CARM1: variants seen among roughly 807,000 people sequenced by gnomAD.
CARM1 encodes histone-arginine methyltransferase CARM1.
In CARM1, 14 loss-of-function variants were observed where a neutral mutation model predicts 72.7. The ratio of observed to expected loss-of-function variants is 0.19; its 90% CI spans 0.13 to 0.30. The LOEUF (loss-of-function observed/expected upper bound fraction) is 0.30. CARM1 is among the 10% of genes least tolerant of loss of function. CARM1 has a pLI of 1.00. For missense variants in CARM1, 432 were observed against 833.7 expected (o/e 0.52, Z 5.93); for synonymous variants, 333 against 345.5 (o/e 0.96, Z 0.40).
rs865852802 is a variant in CARM1, at chr19:10,871,604, G to A, written c.-99G>A. On this transcript the variant is annotated 5_prime_UTR_variant, in exon 1 of 16. Coordinates refer to ENST00000327064, the MANE Select transcript of CARM1 (RefSeq NM_199141.2). The surrounding 1 kb of genome is among the most constrained non-coding windows in gnomAD (Gnocchi z 5.6). ...CGGTAGCGGCAGCGGCGGCGGCGGC[G>A]GCGGCGGCGGCGGCGGCGGCGGCGG... The A allele has an allele frequency of 3.6e-5, 4 of 110,586 alleles. No homozygotes were observed. The highest frequency in any genetic ancestry group is 6.6e-5 in the African/African-American group (2 of 30,406). 6.9% of individuals were successfully genotyped at this position (110,586 alleles called of 1,614,324 possible).
rs865852802 is a variant in CARM1, at chr19:10,871,604, G to T, written c.-99G>T. The T allele has an allele frequency of 3.6e-5, 4 of 110,586 alleles. No homozygotes were observed. The highest frequency in any genetic ancestry group is 2.8e-4 in the South Asian group (1 of 3,590). 6.9% of individuals were successfully genotyped at this position (110,586 alleles called of 1,614,324 possible). A position where few individuals can be genotyped will look rare whatever the true frequency, so the allele number is the denominator to read the frequency against. ...CGGTAGCGGCAGCGGCGGCGGCGGCGGCGGCGGCGGCGGCGGCGGCGGCGG... is the reference window on the plus strand; with the variant it reads ...CGGTAGCGGCAGCGGCGGCGGCGGCTGCGGCGGCGGCGGCGGCGGCGGCGG... On this transcript the variant is annotated 5_prime_UTR_variant, in exon 1 of 16. Coordinates refer to ENST00000327064, the MANE Select transcript of CARM1 (RefSeq NM_199141.2). The surrounding 1 kb of genome is among the most constrained non-coding windows in gnomAD (Gnocchi z 5.6).
rs757394427 is a variant in CARM1 at position 10,920,798 on chromosome 19, C to G, written c.1425-36C>G. 1.2e-6 allele frequency: 2 copies of G among 1,613,748 alleles called. No individual in the cohort carries two copies. The highest frequency in any genetic ancestry group is 2.2e-5 in the East Asian group (1 of 44,882). On this transcript the variant is annotated intron_variant, in intron 12 of 15. Coordinates refer to ENST00000327064, the MANE Select transcript of CARM1 (RefSeq NM_199141.2). This position sits in a 1 kb window ranked among gnomAD's most constrained non-coding sequence, Gnocchi z 5.3. Reference sequence around the variant, plus strand: ...AGGGGGGCGCCCCGGCCCTGCAACCCCCTTGCCCCTGCCCATGGCTCTGTC... The same window carrying G: ...AGGGGGGCGCCCCGGCCCTGCAACCGCCTTGCCCCTGCCCATGGCTCTGTC...
intron 4 of CARM1, among the ~76,000 whole-genome samples, chr19:10,910,256 C>A (rs1333247753): frequency 6.6e-6 from 1 of 152,174 alleles, no homozygotes; most frequent in Non-Finnish European, 1.5e-5. Flanking sequence ...GCAGGTGGAT[C>A]ACTTGAGGTT....
chr19:10,900,859 A>T (rs771670309), intron 1 of CARM1, among the ~76,000 whole-genome samples: 1 of 149,096 alleles, frequency 6.7e-6, no homozygotes, highest in Non-Finnish European at 1.5e-5. Context: ...AATTTTTTGT[A>T]TTTTTAGTAG....
intron 4 of CARM1, among the ~76,000 whole-genome samples, chr19:10,909,904 A>AT (rs1344286426): frequency 6.6e-6 from 1 of 152,160 alleles, no homozygotes; most frequent in Non-Finnish European, 1.5e-5. Flanking sequence ...ATTTTTCCCC[A>AT]TACAGACATC....
At chr19:10,918,210 G>T (rs1253532461) in intron 8 of CARM1, among the ~76,000 whole-genome samples, 1 of 152,022 alleles carries the variant, frequency 6.6e-6, no homozygotes, top group East Asian at 1.9e-4. Flanking sequence ...ATATGCTGCT[G>T]AACCACCCGT....
At chr19:10,909,020 C>T (rs2074125457) in intron 3 of CARM1, 83 bp from the exon 4 acceptor site, 2 of 1,049,722 alleles carry the variant, frequency 1.9e-6, no homozygotes, top group East Asian at 2.4e-5. Context: ...TAGATGGCCC[C>T]TTGCTCTATC....
At chr19:10,895,566 ATC>A (rs2074018409) in intron 1 of CARM1, among the ~76,000 whole-genome samples, 1 of 152,218 alleles carries the variant, frequency 6.6e-6, no homozygotes, top group Non-Finnish European at 1.5e-5. Context: ...GATGCTAAAC[ATC>A]TCTGCGTGGT....
At chr19:10,876,445 G>C (rs905266631) in intron 1 of CARM1, among the ~76,000 whole-genome samples, 9 of 152,196 alleles carry the variant, frequency 5.9e-5, no homozygotes, top group Non-Finnish European at 1.3e-4. Flanking sequence ...TTGGCTCACC[G>C]GCCATGGGAG....
At chr19:10,921,017 C>T (rs1568358010) in intron 13 of CARM1, 33 bp from the exon 14 acceptor site, 1 of 1,612,630 alleles carries the variant, frequency 6.2e-7, no homozygotes. Context: ...GCCCCTCTGC[C>T]TCCAGCCCTG....
At chr19:10,919,823 C>G (rs779506332) in intron 9 of CARM1, 54 bp from the exon 10 acceptor site, 4 of 1,533,938 alleles carry the variant, frequency 2.6e-6, no homozygotes, top group Admixed American at 1.7e-5. Context: ...CCCCTCTTCT[C>G]TCTCGGCAGC....
rs993395558 is a variant in CARM1 at position 10,915,692 on chromosome 19, C to G, written c.848-715C>G. 1.3e-5 allele frequency among the ~76,000 whole-genome samples: 2 copies of G among 152,178 alleles called. No homozygotes were observed. Among genetic ancestry groups the G allele is most frequent in the African/African-American group, 4.8e-5 (2 of 41,460 alleles). ...CACTGATACCTCAGGATCTCCTCCC[C>G]CAGCTTGCAAGGCTGGGGGGCCCAC... On this transcript the variant is annotated intron_variant, in intron 6 of 15. Transcript: ENST00000327064. This position sits in a 1 kb window ranked among gnomAD's most constrained non-coding sequence, Gnocchi z 4.6.
chr19:10,876,445 G>A (rs905266631), intron 1 of CARM1, among the ~76,000 whole-genome samples: 2 of 152,196 alleles, frequency 1.3e-5, no homozygotes, highest in African/African-American at 2.4e-5. Flanking sequence ...TTGGCTCACC[G>A]GCCATGGGAG....
At chr19:10,902,497 C>A (rs1490279399) in intron 1 of CARM1, among the ~76,000 whole-genome samples, 1 of 151,638 alleles carries the variant, frequency 6.6e-6, no homozygotes, top group Non-Finnish European at 1.5e-5. Flanking sequence ...TTTTAGTAGA[C>A]ACAGGGTTTC....
At position 10,912,377 on chromosome 19, in the gene CARM1, C is replaced by A; in HGVS notation, c.669+83C>A. On this transcript the variant is annotated intron_variant, in intron 5 of 15. Transcript: ENST00000327064. The surrounding 1 kb of genome is among the most constrained non-coding windows in gnomAD (Gnocchi z 4.5). ...CCCCAGCCTAGAGAAGCTTGGGAACCCCCAGGGGCCTGGGGACATTACTTC... is the reference window on the plus strand; with the variant it reads ...CCCCAGCCTAGAGAAGCTTGGGAACACCCAGGGGCCTGGGGACATTACTTC... 1 of 987,870 alleles carries A rather than the reference C, an allele frequency of 1.0e-6. No individual in the cohort carries two copies. The highest frequency in any genetic ancestry group is 1.7e-5 in the Admixed American group (1 of 58,132). 61.2% of individuals were successfully genotyped at this position (987,870 alleles called of 1,614,324 possible). A position where few individuals can be genotyped will look rare whatever the true frequency, so the allele number is the denominator to read the frequency against.
rs1379163303 is a variant in CARM1 at position 10,916,429 on chromosome 19, T to C, written c.870T>C (p.Gly290=). ...KPSGNMFPTI[G]DVHLAPFTDE... ...CAGGAAACATGTTTCCTACCATTGG[T>C]GACGTCCACCTTGCACCCTTCACGG... Residue 290 remains glycine (G), a synonymous_variant, in exon 7 of 16, where the codon GGT becomes GGC. Transcript: ENST00000327064. This position sits in a 1 kb window ranked among gnomAD's most constrained non-coding sequence, Gnocchi z 4.4. 15 of 1,613,664 alleles carry C rather than the reference T, an allele frequency of 9.3e-6. No homozygotes were observed. The highest frequency in any genetic ancestry group is 1.3e-5 in the Non-Finnish European group (15 of 1,179,830).
At chr19:10,902,768 C>A (rs980953314) in intron 1 of CARM1, among the ~76,000 whole-genome samples, 2 of 151,890 alleles carry the variant, frequency 1.3e-5, no homozygotes, top group African/African-American at 4.8e-5. Flanking sequence ...GCCACTACAC[C>A]GACTAATATT....
chr19:10,873,124 A>G (rs2073833066), intron 1 of CARM1, among the ~76,000 whole-genome samples: 1 of 152,090 alleles, frequency 6.6e-6, no homozygotes, highest in African/African-American at 2.4e-5. Flanking sequence ...TTCAGAGTTC[A>G]AGGCAGACAC....
chr19:10,908,130 C>T lies in CARM1; in HGVS notation c.438C>T (p.Ala146=), dbSNP rs766521881. ...GCGAGCGGACGGAGGAGTCTTCTGCCGTGCAGTACTTCCAGGTGGGTTGTA... is the reference window on the plus strand; with the variant it reads ...GCGAGCGGACGGAGGAGTCTTCTGCTGTGCAGTACTTCCAGGTGGGTTGTA... ...VFSERTEESS[A]VQYFQFYGYL... is the part of the protein sequence containing the mutation. Residue 146 remains alanine, a synonymous_variant, in exon 3 of 16, where the codon GCC becomes GCT. Coordinates refer to ENST00000327064, the MANE Select transcript of CARM1 (RefSeq NM_199141.2). The T allele has an allele frequency of 2.5e-5, 40 of 1,613,010 alleles. No homozygotes were observed. Among genetic ancestry groups the T allele is most frequent in the South Asian group, 5.5e-5 (5 of 91,058 alleles).
Sources: allele counts gnomAD v4.1 joint callset (sites outside exome capture counted in the v4.1 genomes callset), GRCh38; gene constraint gnomAD v4.1.1; non-coding constraint Gnocchi (gnomAD v3.1); transcripts MANE v1.5; gene names NCBI Gene and HGNC (gene_info 2026-07-23, HGNC 2026-07-21).